Variants in RNF130 observed in about 807,000 individuals in gnomAD.
RNF130 encodes ring finger protein 130.
RNF130 carries 21 observed loss-of-function variants against 44.6 expected under a neutral mutation model. The observed-to-expected ratio is 0.47, with a 90% CI of 0.33 to 0.68. The LOEUF (loss-of-function observed/expected upper bound fraction) is 0.68, where lower values mean the gene tolerates loss of function less well. RNF130 is among the 30% of genes least tolerant of loss of function. RNF130 has a pLI of 0.02. For synonymous variants in RNF130, 214 were observed against 210.4 expected (o/e 1.02, Z -0.15); for missense variants, 479 against 560.6 (o/e 0.85, Z 1.47).
At chr5:179,980,749 G>GTACT (rs1412913032) in intron 3 of RNF130, among the ~76,000 whole-genome samples, 1 of 152,228 alleles carries the variant, frequency 6.6e-6, no homozygotes, top group Non-Finnish European at 1.5e-5. Context: ...CTGGGAAGGT[G>GTACT]TACTTACCTT....
chr5:179,992,364 G>A (rs751116438), intron 3 of RNF130, among the ~76,000 whole-genome samples: 2 of 152,136 alleles, frequency 1.3e-5, no homozygotes, highest in South Asian at 2.1e-4. Flanking sequence ...GATGAGTCTC[G>A]ATCTCCTGAC....
At chr5:180,067,920 T>C (rs775094038) in intron 1 of RNF130, among the ~76,000 whole-genome samples, 3 of 152,250 alleles carry the variant, frequency 2.0e-5, no homozygotes, top group Non-Finnish European at 2.9e-5. Context: ...AAGGAACCAT[T>C]AAAGGCTTCG....
intron 2 of RNF130, among the ~76,000 whole-genome samples, chr5:180,025,325 T>C (rs1469826670): frequency 6.6e-6 from 1 of 152,180 alleles, no homozygotes; most frequent in East Asian, 1.9e-4. Context: ...CTTTATATGA[T>C]TTTACCTTCC....
intron 3 of RNF130, among the ~76,000 whole-genome samples, chr5:180,010,189 G>C (rs573798084): frequency 8.1e-6 from 1 of 124,156 alleles, no homozygotes; most frequent in South Asian, 2.8e-4. Flanking sequence ...GGAGCTTGCA[G>C]TAAGCTGAGA....
chr5:180,028,484 T>C (rs890010655), intron 2 of RNF130, among the ~76,000 whole-genome samples: 1 of 152,192 alleles, frequency 6.6e-6, no homozygotes, highest in African/African-American at 2.4e-5. Flanking sequence ...CTCTTTCTGG[T>C]CGAATCCTAA....
At chr5:179,984,602 T>A (rs1762913646) in intron 3 of RNF130, among the ~76,000 whole-genome samples, 1 of 152,170 alleles carries the variant, frequency 6.6e-6, no homozygotes, top group African/African-American at 2.4e-5. Context: ...AAACATCACC[T>A]GGTCATGATG....
intron 1 of RNF130, among the ~76,000 whole-genome samples, chr5:180,051,875 C>T (rs1764694642): frequency 6.6e-6 from 1 of 152,088 alleles, no homozygotes; most frequent in South Asian, 2.1e-4. Flanking sequence ...ATAAATGATG[C>T]AACAGATACT....
chr5:180,048,104 C>CTA (rs1316704231), intron 1 of RNF130, among the ~76,000 whole-genome samples: 2 of 151,928 alleles, frequency 1.3e-5, no homozygotes, highest in Non-Finnish European at 2.9e-5. Flanking sequence ...AACCCAGTTT[C>CTA]TAATAGACAC....
intron 1 of RNF130, among the ~76,000 whole-genome samples, chr5:180,060,647 GCCT>G (rs1764955972): frequency 6.6e-6 from 1 of 152,156 alleles, no homozygotes; most frequent in East Asian, 1.9e-4. Context: ...GAGGCAACTG[GCCT>G]CCTAACCTTA....
intron 6 of RNF130, among the ~76,000 whole-genome samples, chr5:179,969,553 G>A (rs931634417): frequency 1.3e-5 from 2 of 151,932 alleles, no homozygotes; most frequent in African/African-American, 4.8e-5. Flanking sequence ...CATACTCATC[G>A]ACCAACAGAA....
intron 2 of RNF130, among the ~76,000 whole-genome samples, chr5:180,038,431 T>C (rs1382735279): frequency 6.7e-6 from 1 of 149,922 alleles, no homozygotes; most frequent in African/African-American, 2.4e-5. Context: ...TTATTTTGAT[T>C]AACCTAGTAT....
chr5:179,960,337 TA>T (rs1762298960), intron 8 of RNF130, among the ~76,000 whole-genome samples: 1 of 152,226 alleles, frequency 6.6e-6, no homozygotes, highest in African/African-American at 2.4e-5. Flanking sequence ...TTTGCAGTGT[TA>T]AAAAAATTTA....
chr5:179,947,963 G>A (rs574525934), intron 7 of RNF130, among the ~76,000 whole-genome samples: 6 of 152,176 alleles, frequency 3.9e-5, no homozygotes, highest in South Asian at 2.1e-4. Context: ...CACTTCCCCC[G>A]TTTTCACCCT....
At chr5:179,960,110 C>A (rs1762294303) in intron 8 of RNF130, among the ~76,000 whole-genome samples, 1 of 152,176 alleles carries the variant, frequency 6.6e-6, no homozygotes, top group Non-Finnish European at 1.5e-5. Flanking sequence ...ACACAAATTT[C>A]AGTTGGTAAA....
At chr5:179,944,183 C>T (rs1024100377) in intron 7 of RNF130, among the ~76,000 whole-genome samples, 16 of 152,046 alleles carry the variant, frequency 1.1e-4, no homozygotes, top group African/African-American at 3.4e-4. Flanking sequence ...ATTGGCCAGG[C>T]TGGTCTCGAA....
chr5:180,059,434 C>T (rs945817942), intron 1 of RNF130, among the ~76,000 whole-genome samples: 14 of 152,334 alleles, frequency 9.2e-5, no homozygotes, highest in East Asian at 1.9e-4. Context: ...TACTTCCCCC[C>T]ACCAGACAGC....
chr5:180,010,165 T>C (rs915126663), intron 3 of RNF130, among the ~76,000 whole-genome samples: 5 of 136,490 alleles, frequency 3.7e-5, no homozygotes, highest in South Asian at 4.5e-4. Context: ...GAGAATGGCG[T>C]GAACCTGGGA....
At chr5:180,045,707 T>G (rs936122488) in intron 1 of RNF130, among the ~76,000 whole-genome samples, 1 of 152,192 alleles carries the variant, frequency 6.6e-6, no homozygotes, top group African/African-American at 2.4e-5. Flanking sequence ...TTTACAAACC[T>G]TGAGTTAGAC....
At chr5:180,015,437 CAAGCTGGAAAAGGAGTAGGGAAAG>C in intron 2 of RNF130, 1 of 478,202 alleles carries the variant, frequency 2.1e-6, no homozygotes, top group Non-Finnish European at 4.5e-6. Context: ...CTTGAAGACT[CAAGCTGGAAAAGGAGTAGGGAAAG>C]GAGTAGGGAA....
Sources: allele counts gnomAD v4.1 joint callset (sites outside exome capture counted in the v4.1 genomes callset), GRCh38; gene constraint gnomAD v4.1.1; transcripts MANE v1.5; gene names NCBI Gene and HGNC (gene_info 2026-07-23, HGNC 2026-07-21).